Variants in APH1B observed in about 807,000 individuals in gnomAD.
APH1B encodes aph-1B gamma-secretase subunit, also known as gamma-secretase subunit APH-1B.
Under a neutral mutation model 28.2 loss-of-function variants are expected in APH1B, and 27 were observed. That is an observed-to-expected ratio of 0.96 (90% CI 0.70 to 1.32). APH1B has a LOEUF of 1.32. APH1B is among the 40% of genes most tolerant of loss of function. The pLI is 0.00. For synonymous variants in APH1B, 141 were observed against 124.6 expected, an observed-to-expected ratio of 1.13 and a Z score of -0.88; for missense variants, 305 against 313.6, an observed-to-expected ratio of 0.97 and a Z score of 0.21.
rs2038686046 is a variant in APH1B at position 63,306,162 on chromosome 15, G to A, written c.*381G>A. The A allele has an allele frequency of 1.2e-5, 2 of 173,470 alleles. No homozygotes were observed. The highest frequency in any genetic ancestry group is 1.4e-4 in the South Asian group (1 of 7,346). The allele number at this position is 173,470 out of a possible 1,614,324, so 10.7% of individuals were successfully genotyped here. The stretch of plus-strand genomic sequence containing the variant: ...AACACCTTAAGTGGATGAGAATCTG[G>A]TCTTTAGCTGTCTCCTAACTCAACT... On this transcript the variant is annotated 3_prime_UTR_variant, in exon 6 of 6. Transcript: ENST00000261879.
chr15:63,297,868 G>C (rs1245924116), intron 4 of APH1B, among the ~76,000 whole-genome samples: 1 of 152,208 alleles, frequency 6.6e-6, no homozygotes, highest in Non-Finnish European at 1.5e-5. Context: ...GATAGTGAAG[G>C]CTGTGATGAC....
chr15:63,279,215 A>G lies in APH1B; in HGVS notation c.168A>G (p.Ala56=), dbSNP rs2038359013. ...LLISSLVWFM[A]RVIIDNKDGP... is the part of the protein sequence containing the mutation. Reference sequence around the variant, plus strand: ...TTTCGTCCCTTGTTTGGTTCATGGCAAGAGTCATTATTGACAACAAAGATG... The same window carrying G: ...TTTCGTCCCTTGTTTGGTTCATGGCGAGAGTCATTATTGACAACAAAGATG... The change falls in exon 2 of 6, where the codon GCA becomes GCG. Residue 56 remains alanine, a synonymous_variant. Coordinates refer to ENST00000261879, the MANE Select transcript of APH1B (RefSeq NM_031301.4). The G allele has an allele frequency of 1.2e-6, 2 of 1,612,724 alleles. No individual in the cohort carries two copies. The highest frequency in any genetic ancestry group is 4.5e-5 in the East Asian group (2 of 44,860).
At chr15:63,296,399 C>G (rs2038568231) in intron 4 of APH1B, among the ~76,000 whole-genome samples, 1 of 152,228 alleles carries the variant, frequency 6.6e-6, no homozygotes, top group Non-Finnish European at 1.5e-5. Context: ...CAGCAGCAGC[C>G]TTTGGCTTGC....
At chr15:63,278,263 G>A (rs2038347588) in intron 1 of APH1B, 1 of 444,930 alleles carries the variant, frequency 2.2e-6, no homozygotes, top group Admixed American at 2.5e-5. Flanking sequence ...AAAAATTTAA[G>A]CTCCTTTTGG....
rs770742592 is a variant in APH1B, at chr15:63,302,367, C to A, written c.501C>A (p.Ile167=). The A allele has an allele frequency of 3.7e-6, 6 of 1,614,032 alleles. No homozygotes were observed. The highest frequency in any genetic ancestry group is 1.1e-5 in the South Asian group (1 of 91,046). ...CAGCTTTCATGACGCTGGTCATTAT[C>A]TTGCTGCATGTATTCTGGGGCATTG... is the stretch of plus-strand genomic sequence containing the variant. ...LYSAFMTLVI[I]LLHVFWGIVF... Residue 167 remains isoleucine (I), a synonymous_variant, in exon 5 of 6, where the codon ATC becomes ATA. Transcript: ENST00000261879.
At chr15:63,277,953 C>T (rs942651006) in intron 1 of APH1B, 6 of 571,560 alleles carry the variant, frequency 1.0e-5, no homozygotes, top group Middle Eastern at 4.6e-4. Flanking sequence ...GCCTGGGGCT[C>T]ATGGGTGGGG....
chr15:63,284,387 T>G (rs978901291), intron 2 of APH1B, among the ~76,000 whole-genome samples: 3 of 152,116 alleles, frequency 2.0e-5, no homozygotes, highest in Admixed American at 6.5e-5. Flanking sequence ...CTCATTTTTG[T>G]ATTTTCTGTA....
Position 63,306,003 on chromosome 15 carries a change from G to A in APH1B, c.*222G>A, listed in dbSNP as rs796265681. The A allele has an allele frequency of 2.1e-5, 11 of 521,018 alleles. No homozygotes were observed. The highest frequency in any genetic ancestry group is 1.2e-4 in the African/African-American group (6 of 51,120). The allele number at this position is 521,018 out of a possible 1,614,324, so 32.3% of individuals were successfully genotyped here. Reference sequence around the variant, plus strand: ...GAATCACCTGGGACAGTGTAAAGCCGACTGATTCTGGGCTCCACCTTCCAG... The same window carrying A: ...GAATCACCTGGGACAGTGTAAAGCCAACTGATTCTGGGCTCCACCTTCCAG... On this transcript the variant is annotated 3_prime_UTR_variant, in exon 6 of 6. Transcript: ENST00000261879.
chr15:63,295,932 G>A (rs2038560946), intron 4 of APH1B, among the ~76,000 whole-genome samples: 1 of 152,220 alleles, frequency 6.6e-6, no homozygotes, highest in Non-Finnish European at 1.5e-5. Flanking sequence ...TGACTCCACA[G>A]TGATGAGCTA....
At chr15:63,299,655 C>T (rs1465163588) in intron 4 of APH1B, among the ~76,000 whole-genome samples, 3 of 152,028 alleles carry the variant, frequency 2.0e-5, no homozygotes, top group South Asian at 2.1e-4. Flanking sequence ...ACTCCTGCCT[C>T]GGCCTCCCAA....
intron 4 of APH1B, chr15:63,292,020 G>A (rs1458149998): frequency 6.6e-6 from 1 of 152,110 alleles, no homozygotes; most frequent in Non-Finnish European, 1.5e-5. Context: ...ATAAATTTTT[G>A]TTACTGTAAC....
chr15:63,293,292 G>A (rs981050656), intron 4 of APH1B, among the ~76,000 whole-genome samples: 1 of 150,742 alleles, frequency 6.6e-6, no homozygotes, highest in Non-Finnish European at 1.5e-5. Flanking sequence ...ACCCTCCCCA[G>A]TAGCTGGGAC....
rs557166821 is a variant in APH1B, at chr15:63,304,909, C to CT, written c.607-702dup. 7.9e-5 allele frequency among the ~76,000 whole-genome samples: 12 copies of CT among 152,346 alleles called. No homozygotes were observed. The highest frequency in any genetic ancestry group is 2.6e-4 in the African/African-American group (11 of 41,574). ...ACGGAGGCCTCTTGAGAAGAGCAGT[C>CT]TTTCTGCATAAGGTGCTACCTGTAA... On this transcript the variant is annotated intron_variant, in intron 5 of 5. Transcript: ENST00000261879. The surrounding 1 kb of genome is among the most constrained non-coding windows in gnomAD (Gnocchi z 5.1).
chr15:63,305,131 A>G (rs926798997), intron 5 of APH1B, among the ~76,000 whole-genome samples: 1 of 152,248 alleles, frequency 6.6e-6, no homozygotes, highest in African/African-American at 2.4e-5. Context: ...GGTCTCACCA[A>G]GGTGTACACA....
chr15:63,305,724 A>C lies in APH1B; in HGVS notation c.717A>C (p.Lys239Asn), dbSNP rs1555427445. 6.2e-7 allele frequency: 1 copy of C among 1,614,128 alleles called. No homozygotes were observed. The highest frequency in any genetic ancestry group is 8.5e-7 in the Non-Finnish European group (1 of 1,180,030). Residue 239 changes from lysine (K) to asparagine (N), a missense_variant, in exon 6 of 6, where the codon AAA (lysine) becomes AAC (asparagine). Physicochemically the swap from Lys to Asn is moderately conservative, Grantham distance 94 (BLOSUM62 0). Coordinates refer to ENST00000261879, the MANE Select transcript of APH1B (RefSeq NM_031301.4). ...LAAGGSCRSL[K>N]LCLLCQDKNF... Reference sequence around the variant, plus strand: ...CGGGAGGCAGCTGCCGAAGCCTGAAACTCTGCCTGCTCTGCCAAGACAAGA... The same window carrying C: ...CGGGAGGCAGCTGCCGAAGCCTGAACCTCTGCCTGCTCTGCCAAGACAAGA...
intron 2 of APH1B, among the ~76,000 whole-genome samples, chr15:63,285,405 T>G (rs2038434596): frequency 6.6e-6 from 1 of 152,250 alleles, no homozygotes. Flanking sequence ...GTTTTGGTTC[T>G]TTTGTTGCCT....
chr15:63,286,594 T>G lies in APH1B; in HGVS notation c.321T>G (p.Gly107=), dbSNP rs201788425. 6.2e-7 allele frequency: 1 copy of G among 1,608,210 alleles called. No homozygotes were observed. Among genetic ancestry groups the G allele is most frequent in the Non-Finnish European group, 8.5e-7 (1 of 1,177,842 alleles). ...AAGGTTTGAAGAGTATAAACCCAGG[T>G]GAGACAGCACCCTCTATGCGACTGC... ...ASEGLKSINP[G]ETAPSMRLLA... Residue 107 remains glycine (G), a synonymous_variant, in exon 3 of 6, where the codon GGT becomes GGG. Transcript: ENST00000261879.
At chr15:63,279,477 C>A in intron 2 of APH1B, 146 bp downstream of exon 2, 1 of 635,484 alleles carries the variant, frequency 1.6e-6, no homozygotes, top group Non-Finnish European at 2.4e-6. Context: ...GCCTGAAAAT[C>A]TTGAGTGTTC....
At chr15:63,302,241 C>G (rs1320423024) in intron 4 of APH1B, 104 bp from the exon 5 acceptor site, 10 of 1,394,822 alleles carry the variant, frequency 7.2e-6, no homozygotes, top group Non-Finnish European at 9.6e-6. Flanking sequence ...GTTAAACTCT[C>G]TTGCTGAGGT....
Sources: gnomAD v4.1 joint callset for allele counts (sites outside exome capture counted in the v4.1 genomes callset) on GRCh38, gnomAD v4.1.1 for gene constraint, Gnocchi (gnomAD v3.1) non-coding constraint, MANE v1.5 for transcripts, NCBI Gene and HGNC (gene_info 2026-07-23, HGNC 2026-07-21) for gene names.